Variants in NRXN3 observed in about 807,000 individuals in gnomAD.
NRXN3 encodes neurexin III.
A neutral mutation model predicts 137.6 loss-of-function variants in NRXN3; 32 were observed. The ratio of observed to expected loss-of-function variants is 0.23; its 90% CI spans 0.18 to 0.31. The LOEUF (loss-of-function observed/expected upper bound fraction) is 0.31, where lower values mean the gene tolerates loss of function less well. Among genes scored for constraint, NRXN3 ranks in the 10% least tolerant of loss-of-function variants. NRXN3 has a pLI of 1.00. For missense variants in NRXN3, 1,574 were observed against 2,062.5 expected, an observed-to-expected ratio of 0.76 and a Z score of 4.59; for synonymous variants, 798 against 784.5, an observed-to-expected ratio of 1.02 and a Z score of -0.29.
chr14:78,326,951 G>A (rs2080182641), intron 4 of NRXN3, among the ~76,000 whole-genome samples: 1 of 150,274 alleles, frequency 6.7e-6, no homozygotes, highest in Admixed American at 6.6e-5. Context: ...AAATCTCTCT[G>A]TTCCTGAGTT....
intron 4 of NRXN3, among the ~76,000 whole-genome samples, chr14:78,475,730 A>G (rs1389401601): frequency 6.6e-6 from 1 of 152,234 alleles, no homozygotes; most frequent in Non-Finnish European, 1.5e-5. Flanking sequence ...GCAGACACAG[A>G]GCCAACAACA....
At chr14:78,771,006 A>C (rs8011930) in intron 8 of NRXN3, among the ~76,000 whole-genome samples, 10,391 of 152,282 alleles carry the variant, frequency 0.068, 459 homozygotes, top group South Asian at 0.14. Flanking sequence ...TCTTTAGCAG[A>C]AGTCTCCTGT....
intron 15 of NRXN3, among the ~76,000 whole-genome samples, chr14:79,389,545 C>G (rs1423068700): frequency 6.6e-6 from 1 of 152,192 alleles, no homozygotes; most frequent in African/African-American, 2.4e-5. Context: ...TGGCAAATAA[C>G]CCAAACCCTT....
At position 78,803,850 on chromosome 14, in the gene NRXN3, T is replaced by C. The variant is rs778568309; in HGVS notation, c.2248+27T>C. ...TATCGTATGAAGTACCCTCTGCCAC[T>C]TCGTTTGGGCTTGTCTTCCCTTTCT... On this transcript the variant is annotated intron_variant, in intron 9 of 20. Transcript: ENST00000335750. 24 of 1,593,484 alleles carry C rather than the reference T, an allele frequency of 1.5e-5. No homozygotes were observed. In the African/African-American group the frequency reaches 2.8e-4, roughly 19 times the overall value.
rs188881145 is a variant in NRXN3 at position 79,124,222 on chromosome 14, G to A, written c.3262+136081G>A. ...GGTAAAATCAAGCTAAATGAAATGAGGTAAATGTAGGACCAGAAAAACCAG... is the reference window on the plus strand; with the variant it reads ...GGTAAAATCAAGCTAAATGAAATGAAGTAAATGTAGGACCAGAAAAACCAG... On this transcript the variant is annotated intron_variant, in intron 15 of 20. Transcript: ENST00000335750. Among the ~76,000 whole-genome samples, 46 of 152,246 alleles carry A rather than the reference G, an allele frequency of 3.0e-4. No homozygotes were observed. The East Asian group carries it at 8.9e-3, about 29-fold the overall frequency.
At chr14:78,504,060 A>G (rs1394874966) in intron 4 of NRXN3, among the ~76,000 whole-genome samples, 1 of 152,146 alleles carries the variant, frequency 6.6e-6, no homozygotes. Context: ...CTGCCTTTAT[A>G]TGCTAAATTA....
At chr14:79,513,543 T>A (rs1263522119) in intron 16 of NRXN3, among the ~76,000 whole-genome samples, 4 of 152,224 alleles carry the variant, frequency 2.6e-5, no homozygotes, top group Non-Finnish European at 5.9e-5. Context: ...AAATGACACA[T>A]TCCATTAATA....
intron 4 of NRXN3, among the ~76,000 whole-genome samples, chr14:78,430,650 C>T (rs547077570): frequency 6.6e-6 from 1 of 152,340 alleles, no homozygotes; most frequent in Admixed American, 6.5e-5. Flanking sequence ...TCCTCCAGCT[C>T]AGCCCATGTG....
intron 17 of NRXN3, among the ~76,000 whole-genome samples, chr14:79,681,595 G>C (rs2098670612): frequency 6.6e-6 from 1 of 152,084 alleles, no homozygotes; most frequent in Non-Finnish European, 1.5e-5. Flanking sequence ...TCAAGCTTCT[G>C]CTTATATCAC....
chr14:78,945,634 T>C (rs554077865), intron 10 of NRXN3, among the ~76,000 whole-genome samples: 4 of 152,308 alleles, frequency 2.6e-5, no homozygotes, highest in African/African-American at 9.6e-5. Context: ...TCTTTCTGTG[T>C]CAGTTTTCTC....
At chr14:79,542,451 C>T (rs2097282485) in intron 16 of NRXN3, among the ~76,000 whole-genome samples, 1 of 152,166 alleles carries the variant, frequency 6.6e-6, no homozygotes, top group South Asian at 2.1e-4. Flanking sequence ...CTTCTCTAGA[C>T]TTAAATTACT....
rs1232079866 is a variant in NRXN3 at position 79,438,571 on chromosome 14, CTCTT to C, written c.3263-28646_3263-28643del. 6.6e-5 allele frequency among the ~76,000 whole-genome samples: 10 copies of C among 152,270 alleles called. No homozygotes were observed. The South Asian group carries it at 1.0e-3, about 16-fold the overall frequency. On this transcript the variant is annotated intron_variant, in intron 15 of 20. Coordinates refer to ENST00000335750, the MANE Select transcript of NRXN3 (RefSeq NM_001330195.2). ...AGTAAGCACTTTATAATATCTGTAA[CTCTT>C]TCTAGGTGTTTTATAAACAACTAAC...
intron 8 of NRXN3, among the ~76,000 whole-genome samples, chr14:78,737,742 G>A (rs2098547327): frequency 1.3e-5 from 2 of 152,160 alleles, no homozygotes; most frequent in Admixed American, 1.3e-4. Context: ...AGCAGCATGT[G>A]TCTCCTGAGG....
At chr14:79,303,663 A>C (rs1330093237) in intron 15 of NRXN3, among the ~76,000 whole-genome samples, 1 of 152,028 alleles carries the variant, frequency 6.6e-6, no homozygotes, top group Non-Finnish European at 1.5e-5. Flanking sequence ...CCAGATAATA[A>C]ATATTTTTGG....
At chr14:79,378,377 C>A (rs974500874) in intron 15 of NRXN3, among the ~76,000 whole-genome samples, 1 of 152,152 alleles carries the variant, frequency 6.6e-6, no homozygotes, top group Non-Finnish European at 1.5e-5. Flanking sequence ...TTAGGGATGA[C>A]CACCGTGGGA....
chr14:79,629,298 A>G (rs2098316860), intron 16 of NRXN3, among the ~76,000 whole-genome samples: 1 of 152,158 alleles, frequency 6.6e-6, no homozygotes, highest in South Asian at 2.1e-4. Context: ...CAATACACTG[A>G]ATTTTCTTAG....
chr14:78,522,131 G>T (rs1231958700), intron 4 of NRXN3, among the ~76,000 whole-genome samples: 1 of 152,158 alleles, frequency 6.6e-6, no homozygotes, highest in Non-Finnish European at 1.5e-5. Flanking sequence ...TGAAGGGATG[G>T]TATGTTCAAA....
At chr14:79,601,406 C>G (rs1474218950) in intron 16 of NRXN3, among the ~76,000 whole-genome samples, 1 of 152,146 alleles carries the variant, frequency 6.6e-6, no homozygotes, top group Admixed American at 6.5e-5. Flanking sequence ...GACAAAACTA[C>G]TCTTTCTATC....
chr14:78,652,944 C>T (rs2097758255), intron 6 of NRXN3, among the ~76,000 whole-genome samples: 1 of 152,174 alleles, frequency 6.6e-6, no homozygotes, highest in African/African-American at 2.4e-5. Flanking sequence ...ATACTAAATG[C>T]TCTAATTGAG....
Sources: gnomAD v4.1 joint callset for allele counts (sites outside exome capture counted in the v4.1 genomes callset) on GRCh38, gnomAD v4.1.1 for gene constraint, MANE v1.5 for transcripts, NCBI Gene and HGNC (gene_info 2026-07-23, HGNC 2026-07-21) for gene names.